The following RAB13 variants were observed in gnomAD, a reference collection of about 807,000 sequenced individuals.
The protein encoded by RAB13 is ras-related protein Rab-13.
A neutral mutation model predicts 29.3 loss-of-function variants in RAB13; 15 were observed. That is an observed-to-expected ratio of 0.51 (90% CI 0.34 to 0.79). RAB13 has a LOEUF of 0.79. RAB13 is among the 30% of genes least tolerant of loss of function. RAB13 has a pLI of 0.01. For missense variants in RAB13, 186 were observed against 255.5 expected, an observed-to-expected ratio of 0.73 and a Z score of 1.85; for synonymous variants, 82 against 93.8, an observed-to-expected ratio of 0.87 and a Z score of 0.73.
Position 153,985,470 on chromosome 1 carries a change from G to A in RAB13, c.124+643C>T, listed in dbSNP as rs1571129711. 1.2e-5 allele frequency: 8 copies of A among 679,722 alleles called. No homozygotes were observed. In the South Asian group the frequency reaches 2.7e-4, roughly 23 times the overall value. 42.1% of individuals were successfully genotyped at this position (679,722 alleles called of 1,614,324 possible). On this transcript the variant is annotated intron_variant, in intron 1 of 7. Transcript: ENST00000368575. ...CCAAGCCTGCTGGGGGCCCCTGGGA[G>A]GAGGATGAGTCACCAGGCTGACTCA... is the stretch of plus-strand genomic sequence containing the variant.
chr1:153,987,774 C>CAAA (rs60689643), upstream of RAB13, among the ~76,000 whole-genome samples: 85 of 54,288 alleles, frequency 1.6e-3, 4 homozygotes, highest in Admixed American at 2.1e-3. Flanking sequence ...ACTGCTTCGA[C>CAAA]AAAAAAAAAA....
At chr1:153,985,453 G>A (rs1649134310) in intron 1 of RAB13, 8 of 862,480 alleles carry the variant, frequency 9.3e-6, no homozygotes, top group Non-Finnish European at 1.1e-5. Context: ...CCCCAAGCCT[G>A]CTGGGGGCCC....
At chr1:153,987,501 G>A (rs1571131424), upstream of RAB13, among the ~76,000 whole-genome samples, 1 of 128,618 alleles carries the variant, frequency 7.8e-6, no homozygotes, top group East Asian at 2.3e-4. Context: ...GGGCGACAGA[G>A]CCAGACTCCG....
upstream of RAB13, among the ~76,000 whole-genome samples, chr1:153,987,774 C>CAA (rs60689643): frequency 0.057 from 3,087 of 54,266 alleles, 288 homozygotes; most frequent in Non-Finnish European, 0.074. Flanking sequence ...ACTGCTTCGA[C>CAA]AAAAAAAAAA....
intron 4 of RAB13, 26 bp downstream of exon 4, chr1:153,983,193 C>A: frequency 6.3e-7 from 1 of 1,588,270 alleles, no homozygotes. Context: ...TAACCAGTTT[C>A]CCCATCTCTT....
rs372725515 is a variant in RAB13, at chr1:153,982,800, C to G, written c.333G>C (p.Ser111=). 6.2e-7 allele frequency: 1 copy of G among 1,614,126 alleles called. No homozygotes were observed. Among genetic ancestry groups the G allele is most frequent in the Non-Finnish European group, 8.5e-7 (1 of 1,180,034 alleles). Residue 111 remains serine (S), a synonymous_variant, in exon 5 of 8, where the codon TCG becomes TCC. Transcript: ENST00000368575. The part of the protein sequence containing the change: ...NWMKSIKENA[S]AGVERLLLGN... ...CCAGCAAGAGGCGCTCCACCCCAGC[C>G]GAGGCATTCTGGGGGCAAAAGACAA...
chr1:153,989,470 C>G (rs1348538117), upstream of RAB13, among the ~76,000 whole-genome samples: 1 of 143,660 alleles, frequency 7.0e-6, no homozygotes, highest in Non-Finnish European at 1.5e-5. Flanking sequence ...AGGATGGTCT[C>G]GATCTCCTAA....
intron 1 of RAB13, 150 bp downstream of exon 1, chr1:153,985,963 C>T: frequency 7.2e-7 from 1 of 1,380,026 alleles, no homozygotes; most frequent in East Asian, 2.5e-5. Context: ...CAGAGACATG[C>T]ACGGGGGAAG....
chr1:153,982,892 C>A (rs1313468776), intron 4 of RAB13, 84 bp from the exon 5 acceptor site: 6 of 1,337,184 alleles, frequency 4.5e-6, no homozygotes, highest in African/African-American at 1.4e-5. Context: ...TTTGGGAGGC[C>A]AAGGCGGGTG....
intron 7 of RAB13, 22 bp from the exon 8 acceptor site, chr1:153,982,198 T>C (rs10908578): frequency 0.53 from 843,114 of 1,603,024 alleles, 229,175 homozygotes; most frequent in East Asian, 0.94. Context: ...AGGGCACAGG[T>C]GTCATGGTGT....
upstream of RAB13, among the ~76,000 whole-genome samples, chr1:153,987,528 A>AAAAAGAAAG (rs570485139): frequency 9.3e-4 from 119 of 127,516 alleles, 3 homozygotes; most frequent in East Asian, 5.8e-3. Flanking sequence ...AAAAAAAAAA[A>AAAAAGAAAG]AAAGAAAGAA....
In RAB13 at chr1:153,983,219, C is replaced by T. The variant is rs770138791; in HGVS notation, c.324G>A (p.Glu108=). The T allele has an allele frequency of 6.2e-7, 1 of 1,612,406 alleles. No individual in the cohort carries two copies. Among genetic ancestry groups the T allele is most frequent in the South Asian group, 1.1e-5 (1 of 91,042 alleles). Residue 108 remains glutamate, a splice_region_variant and synonymous_variant, in exon 4 of 8, where the codon GAG becomes GAA. Coordinates refer to ENST00000368575, the MANE Select transcript of RAB13 (RefSeq NM_002870.5). Reference sequence around the variant, plus strand: ...CCCATCTCTTTTGGAGGGTCCTCACCTCCTTGATGCTTTTCATCCAGTTCT... The same window carrying T: ...CCCATCTCTTTTGGAGGGTCCTCACTTCCTTGATGCTTTTCATCCAGTTCT... The part of the protein sequence containing the change: ...NIQNWMKSIK[E]NASAGVERLL...
chr1:153,986,205 A>G lies in RAB13; in HGVS notation c.32T>C (p.Leu11Ser), dbSNP rs1480064581. ...CACCCCCGAGTCCCCGATCAGCAGC[A>G]ACTTGAAGAGGTGGTCGTAGGCTTT... MAKAYDHLFK[L>S]LLIGDSGVGK... Residue 11 changes from leucine to serine, a missense_variant, in exon 1 of 8, where the codon TTG becomes TCG. Coordinates refer to ENST00000368575, the MANE Select transcript of RAB13 (RefSeq NM_002870.5). The G allele has an allele frequency of 5.6e-6, 9 of 1,613,680 alleles. No individual in the cohort carries two copies. Among genetic ancestry groups the G allele is most frequent in the Non-Finnish European group, 5.9e-6 (7 of 1,179,876 alleles).
upstream of RAB13, among the ~76,000 whole-genome samples, chr1:153,989,776 C>T (rs1363513667): frequency 6.6e-6 from 1 of 151,608 alleles, no homozygotes; most frequent in African/African-American, 2.4e-5. Flanking sequence ...CCTGTAATCC[C>T]AGCTACTCGG....
rs1649022958 is a variant in RAB13, at chr1:153,982,610, G to A, written c.415-10C>T. ...CATGCTCTCGAGCCAACTATAAGGG[G>A]TGAAGTGGGAAGAGAATTGAATTAA... On this transcript the variant is annotated splice_polypyrimidine_tract_variant and intron_variant, in intron 5 of 7. Transcript: ENST00000368575. 2 of 1,613,194 alleles carry A rather than the reference G, an allele frequency of 1.2e-6. No homozygotes were observed. The highest frequency in any genetic ancestry group is 1.7e-6 in the Non-Finnish European group (2 of 1,179,158).
chr1:153,982,418 G>A lies in RAB13; in HGVS notation c.507C>T (p.Ile169=). 6.2e-7 allele frequency: 1 copy of A among 1,613,836 alleles called. No homozygotes were observed. The highest frequency in any genetic ancestry group is 2.2e-5 in the East Asian group (1 of 44,880). The change falls in exon 7 of 8, where the codon ATC becomes ATT. Residue 169 remains isoleucine (I), a synonymous_variant. Transcript: ENST00000368575. ...ATCTCCGGCCTCCTGACTTGAGCAA[G>A]ATGTCCCGGGCCAGGGAACTAAAAG... ...DEAFSSLARD[I]LLKSGGRRSG...
intron 4 of RAB13, chr1:153,983,009 C>A (rs1649042463): frequency 1.4e-6 from 1 of 717,662 alleles, no homozygotes; most frequent in Non-Finnish European, 2.4e-6. Context: ...CCTGTAATCC[C>A]AGCTACTTGG....
upstream of RAB13, among the ~76,000 whole-genome samples, chr1:153,989,087 A>ATTTTT (rs778109310): frequency 2.2e-4 from 21 of 96,364 alleles, no homozygotes; most frequent in African/African-American, 8.0e-4. Context: ...GCCCAGCTAA[A>ATTTTT]TTTTTTTTTT....
In RAB13 at chr1:153,981,652, T is replaced by A. The variant is rs2102189236; in HGVS notation, c.*447A>T. ...TCCAAGTTACCCAAAACAGGAACATTTGTGCAAATGGTGGCCTTTAATACC... is the reference window on the plus strand; with the variant it reads ...TCCAAGTTACCCAAAACAGGAACATATGTGCAAATGGTGGCCTTTAATACC... On this transcript the variant is annotated 3_prime_UTR_variant, in exon 8 of 8. Transcript: ENST00000368575. 1 of 173,966 alleles carries A rather than the reference T, an allele frequency of 5.7e-6. No individual in the cohort carries two copies. Among genetic ancestry groups the A allele is most frequent in the East Asian group, 1.6e-4 (1 of 6,220 alleles). 10.8% of individuals were successfully genotyped at this position (173,966 alleles called of 1,614,324 possible). A position where few individuals can be genotyped will look rare whatever the true frequency, so the allele number is the denominator to read the frequency against.
Sources: gnomAD v4.1 joint callset for allele counts (sites outside exome capture counted in the v4.1 genomes callset) on GRCh38, gnomAD v4.1.1 for gene constraint, MANE v1.5 for transcripts, NCBI Gene and HGNC (gene_info 2026-07-23, HGNC 2026-07-21) for gene names.